Variants in HEATR6 observed in about 807,000 individuals in gnomAD.
HEATR6 encodes HEAT repeat-containing protein 6.
In HEATR6, 106 loss-of-function variants were observed where a neutral mutation model predicts 132.8. The observed-to-expected ratio is 0.80, with a 90% CI of 0.68 to 0.94. The LOEUF (loss-of-function observed/expected upper bound fraction) is 0.94, where lower values mean the gene tolerates loss of function less well. Among genes scored for constraint, HEATR6 ranks in the 40% least tolerant of loss-of-function variants. HEATR6 has a pLI of 0.00. For synonymous variants in HEATR6, 529 were observed against 537.8 expected, an observed-to-expected ratio of 0.98 and a Z score of 0.23; for missense variants, 1,339 against 1,425.1, an observed-to-expected ratio of 0.94 and a Z score of 0.97.
chr17:60,046,143 G>T lies in HEATR6; in HGVS notation c.2856C>A (p.Ile952=), dbSNP rs1346517733. 6.2e-7 allele frequency: 1 copy of T among 1,613,828 alleles called. No homozygotes were observed. The highest frequency in any genetic ancestry group is 8.5e-7 in the Non-Finnish European group (1 of 1,179,756). Residue 952 remains isoleucine (I), a synonymous_variant, in exon 19 of 20, where the codon ATC becomes ATA. Coordinates refer to ENST00000184956, the MANE Select transcript of HEATR6 (RefSeq NM_022070.5). The stretch of plus-strand genomic sequence containing the variant: ...TTAGGGCCTGGATAGACTCCTCAAT[G>T]ATTTCTGCAAATGTGGGTTTTTCTA... ...SHIEKPTFAE[I]IEESIQALIS...
chr17:60,060,233 T>A, intron 9 of HEATR6, 137 bp from the exon 10 acceptor site: 1 of 649,992 alleles, frequency 1.5e-6, no homozygotes, highest in Non-Finnish European at 2.6e-6. Flanking sequence ...TATCTGTTAG[T>A]TCCTAAAAAC....
chr17:60,068,070 C>G (rs967428243), intron 7 of HEATR6, among the ~76,000 whole-genome samples: 2 of 152,204 alleles, frequency 1.3e-5, no homozygotes, highest in Non-Finnish European at 2.9e-5. Context: ...CGGCTAATAC[C>G]TCCTACCTTG....
rs1357154896 is a variant in HEATR6, at chr17:60,043,635, TA to T, written c.3473del (p.Leu1158Ter). 1 of 1,614,144 alleles carries T rather than the reference TA, an allele frequency of 6.2e-7. No individual in the cohort carries two copies. Among genetic ancestry groups the T allele is most frequent in the Middle Eastern group, 1.6e-4 (1 of 6,062 alleles). On this transcript the variant is annotated frameshift_variant, in exon 20 of 20. Transcript: ENST00000184956. LOFTEE classifies it high-confidence loss of function. Reference protein sequence around the residue: ...DTARRAIMGFLEEILAVCFDS... With the variant: ...DTARRAIMGFXEEILAVCFDS... ...CAAAACAAACGGCCAGGATCTCTTC[TA>T]AAAAGCCCATGATGGCCCTTCTGGC...
At chr17:60,071,145 T>C (rs983975519) in intron 5 of HEATR6, among the ~76,000 whole-genome samples, 1 of 152,144 alleles carries the variant, frequency 6.6e-6, no homozygotes, top group Admixed American at 6.5e-5. Flanking sequence ...AGATCAGAAT[T>C]GGGAAAGCTC....
At position 60,041,243 on chromosome 17, in the gene HEATR6, A is replaced by G. The variant is rs1666686382; in HGVS notation, c.*2320T>C. Among the ~76,000 whole-genome samples, 1 of 152,244 alleles carries G rather than the reference A, an allele frequency of 6.6e-6. No homozygotes were observed. Among genetic ancestry groups the G allele is most frequent in the Non-Finnish European group, 1.5e-5 (1 of 68,040 alleles). On this transcript the variant is annotated 3_prime_UTR_variant, in exon 20 of 20. Transcript: ENST00000184956. The stretch of plus-strand genomic sequence containing the variant: ...CTTCATTGTTTTCCTGCACATGAAC[A>G]TTAACATCCACATCAGGATCTGGAA...
chr17:60,043,182 T>TGTC lies in HEATR6; in HGVS notation c.*380_*381insGAC. On this transcript the variant is annotated 3_prime_UTR_variant, in exon 20 of 20. Coordinates refer to ENST00000184956, the MANE Select transcript of HEATR6 (RefSeq NM_022070.5). ...AATACAACTTGGTAACAACAGGAGA[T>TGTC]TGTGGACACACTATTTTTCGTTAGT... The TGTC allele has an allele frequency of 4.0e-6, 1 of 253,156 alleles. No homozygotes were observed. Among genetic ancestry groups the TGTC allele is most frequent in the Non-Finnish European group, 7.8e-6 (1 of 128,218 alleles). The allele number at this position is 253,156 out of a possible 1,614,324, so 15.7% of individuals were successfully genotyped here. A position where few individuals can be genotyped will look rare whatever the true frequency, so the allele number is the denominator to read the frequency against.
At chr17:60,068,316 C>T (rs2083253297) in intron 7 of HEATR6, among the ~76,000 whole-genome samples, 1 of 151,802 alleles carries the variant, frequency 6.6e-6, no homozygotes, top group Admixed American at 6.6e-5. Flanking sequence ...TTTCTTTCTC[C>T]CTGTTACTTT....
intron 5 of HEATR6, among the ~76,000 whole-genome samples, chr17:60,071,158 T>C (rs1408950728): frequency 1.3e-5 from 2 of 152,196 alleles, no homozygotes; most frequent in African/African-American, 4.8e-5. Context: ...GAAAGCTCTG[T>C]AATATGGCAA....
In HEATR6 at chr17:60,069,833, C is replaced by G; in HGVS notation, c.817G>C (p.Gly273Arg). 6.2e-7 allele frequency: 1 copy of G among 1,613,434 alleles called. No homozygotes were observed. Among genetic ancestry groups the G allele is most frequent in the Non-Finnish European group, 8.5e-7 (1 of 1,179,836 alleles). The change falls in exon 7 of 20, where the codon GGA (glycine) becomes CGA (arginine). Residue 273 changes from glycine to arginine, a missense_variant. Coordinates refer to ENST00000184956, the MANE Select transcript of HEATR6 (RefSeq NM_022070.5). ...ATCTCTATGTTTAGTCCAGGGAGTC[C>G]GTGAAACATGAATTTCTAATAATGA... ...LAVLKKFMFH[G>R]LPGLNIEMPT...
intron 10 of HEATR6, 111 bp from the exon 11 acceptor site, chr17:60,059,632 C>T: frequency 4.1e-6 from 3 of 726,940 alleles, no homozygotes; most frequent in Admixed American, 2.8e-5. Flanking sequence ...TAAAAATTAG[C>T]CCCCCTTTTT....
Position 60,066,193 on chromosome 17 carries a change from G to A in HEATR6, c.1416+16C>T. On this transcript the variant is annotated intron_variant, in intron 9 of 19. Transcript: ENST00000184956. ...TTTTCTTCCTATTATAAAGCTTAGA[G>A]TTTAAATTCTCTTACCTTTGGAGAA... 66 of 1,601,414 alleles carry A rather than the reference G, an allele frequency of 4.1e-5. No individual in the cohort carries two copies. Among genetic ancestry groups the A allele is most frequent in the Non-Finnish European group, 5.5e-5 (64 of 1,171,502 alleles).
At position 60,043,094 on chromosome 17, in the gene HEATR6, C is replaced by T. The variant is rs1906237728; in HGVS notation, c.*469G>A. The T allele has an allele frequency of 3.7e-6, 1 of 269,796 alleles. No homozygotes were observed. The highest frequency in any genetic ancestry group is 5.2e-5 in the Admixed American group (1 of 19,142). The allele number at this position is 269,796 out of a possible 1,614,324, so 16.7% of individuals were successfully genotyped here. A position where few individuals can be genotyped will look rare whatever the true frequency, so the allele number is the denominator to read the frequency against. On this transcript the variant is annotated 3_prime_UTR_variant, in exon 20 of 20. Coordinates refer to ENST00000184956, the MANE Select transcript of HEATR6 (RefSeq NM_022070.5). ...CTGTGAGGCACTGTCAGCATCCTCG[C>T]ATCCTGTGCAGCTGGGCCAGGACAA...
At chr17:60,061,512 A>G (rs2083210995) in intron 9 of HEATR6, among the ~76,000 whole-genome samples, 2 of 152,226 alleles carry the variant, frequency 1.3e-5, no homozygotes, top group African/African-American at 2.4e-5. Context: ...ACTTTTCTGT[A>G]AAGAGCCAGC....
chr17:60,053,692 A>G (rs1906655276), intron 14 of HEATR6, among the ~76,000 whole-genome samples: 1 of 152,228 alleles, frequency 6.6e-6, no homozygotes, highest in South Asian at 2.1e-4. Flanking sequence ...CACCTTAGCA[A>G]ACTTGGCTGC....
At chr17:60,060,159 T>A in intron 9 of HEATR6, 63 bp from the exon 10 acceptor site, 1 of 1,055,606 alleles carries the variant, frequency 9.5e-7, no homozygotes, top group Non-Finnish European at 1.5e-6. Flanking sequence ...CCCTTCTTCC[T>A]ATACATATTT....
chr17:60,074,971 T>G (rs2083289286), intron 2 of HEATR6, among the ~76,000 whole-genome samples: 1 of 152,216 alleles, frequency 6.6e-6, no homozygotes, highest in Non-Finnish European at 1.5e-5. Flanking sequence ...GTGATTCTAA[T>G]GTGTAGTGAA....
chr17:60,073,415 C>A (rs950403103), intron 3 of HEATR6, 136 bp from the exon 4 acceptor site: 10 of 621,452 alleles, frequency 1.6e-5, no homozygotes, highest in Non-Finnish European at 2.6e-5. Context: ...TAAATGTCTC[C>A]GATGGATATG....
At chr17:60,057,008 G>T in intron 12 of HEATR6, 40 bp downstream of exon 12, 2 of 1,441,970 alleles carry the variant, frequency 1.4e-6, no homozygotes, top group South Asian at 2.6e-5. Context: ...AGGAGGAATG[G>T]TTACTTCCAT....
chr17:60,052,106 C>T (rs1462217611), intron 14 of HEATR6, among the ~76,000 whole-genome samples: 3 of 152,220 alleles, frequency 2.0e-5, no homozygotes, highest in Admixed American at 6.5e-5. Context: ...ACTCAAGCAG[C>T]CCTCTGGAGA....
Sources: gnomAD v4.1 joint callset for allele counts (sites outside exome capture counted in the v4.1 genomes callset) on GRCh38, gnomAD v4.1.1 for gene constraint, MANE v1.5 for transcripts, NCBI Gene and HGNC (gene_info 2026-07-23, HGNC 2026-07-21) for gene names.